Variants in ARHGEF28 observed in about 807,000 individuals in gnomAD.
ARHGEF28 encodes the protein 190 kDa guanine nucleotide exchange factor.
In ARHGEF28, 152 loss-of-function variants were observed where a neutral mutation model predicts 206.6. That is an observed-to-expected ratio of 0.74 (90% CI 0.64 to 0.84). The LOEUF is 0.84. Ranked by LOEUF, ARHGEF28 falls within the 40% of genes least tolerant of loss-of-function variation. The pLI, the probability that ARHGEF28 is intolerant of heterozygous loss-of-function variation, is 0.00. For synonymous variants in ARHGEF28, 763 were observed against 776.4 expected, an observed-to-expected ratio of 0.98 and a Z score of 0.29; for missense variants, 2,028 against 2,073.2, an observed-to-expected ratio of 0.98 and a Z score of 0.42.
intron 4 of ARHGEF28, among the ~76,000 whole-genome samples, chr5:73,756,864 T>C (rs1752340994): frequency 6.6e-6 from 1 of 152,230 alleles, no homozygotes; most frequent in African/African-American, 2.4e-5. Flanking sequence ...ATTTACTGAA[T>C]CAAGTAGTTG....
At chr5:73,766,159 A>AC (rs1554061096) in intron 4 of ARHGEF28, among the ~76,000 whole-genome samples, 51 of 150,630 alleles carry the variant, frequency 3.4e-4, no homozygotes, top group Non-Finnish European at 5.8e-4. Context: ...ATCTCAAAAA[A>AC]AAAAAAACAA....
At chr5:73,815,346 T>A (rs10068421) in intron 9 of ARHGEF28, among the ~76,000 whole-genome samples, 54,379 of 151,764 alleles carry the variant, frequency 0.36, 10,854 homozygotes, top group East Asian at 0.49. Flanking sequence ...TCAGCTTTTT[T>A]AAAAAAAATA....
intron 7 of ARHGEF28, among the ~76,000 whole-genome samples, chr5:73,785,142 A>G (rs1041765159): frequency 6.6e-6 from 1 of 152,234 alleles, no homozygotes; most frequent in Admixed American, 6.5e-5. Context: ...ACGGCAGGTA[A>G]TCAAAACCAT....
At chr5:73,722,712 A>G (rs904718628) in intron 2 of ARHGEF28, among the ~76,000 whole-genome samples, 3 of 152,212 alleles carry the variant, frequency 2.0e-5, no homozygotes, top group Non-Finnish European at 4.4e-5. Context: ...AGGCAGATAG[A>G]TATCTATTTT....
intron 35 of ARHGEF28, among the ~76,000 whole-genome samples, chr5:73,929,335 A>G (rs962169300): frequency 6.6e-6 from 1 of 152,198 alleles, no homozygotes; most frequent in Admixed American, 6.5e-5. Flanking sequence ...ATCTATAAGT[A>G]TTTATTCATC....
At chr5:73,867,025 C>A (rs1234261001) in intron 18 of ARHGEF28, among the ~76,000 whole-genome samples, 1 of 152,150 alleles carries the variant, frequency 6.6e-6, no homozygotes, top group African/African-American at 2.4e-5. Context: ...CTTGCCTTGA[C>A]CCCAAAAGTC....
Position 73,763,092 on chromosome 5 carries a change from G to T in ARHGEF28, c.475+9890G>T, listed in dbSNP as rs144391782. Among the ~76,000 whole-genome samples, 10 of 152,294 alleles carry T rather than the reference G, an allele frequency of 6.6e-5. No homozygotes were observed. The East Asian group carries it at 1.9e-3, about 29-fold the overall frequency. On this transcript the variant is annotated intron_variant, in intron 4 of 35. Transcript: ENST00000513042. Reference sequence around the variant, plus strand: ...TGAAAGAAGAAATGTTGGTGTGGTGGTTCATTTCTTTTTTTCATTCATGGA... The same window carrying T: ...TGAAAGAAGAAATGTTGGTGTGGTGTTTCATTTCTTTTTTTCATTCATGGA...
chr5:73,788,591 T>C (rs1003098478), intron 7 of ARHGEF28, among the ~76,000 whole-genome samples: 4 of 152,106 alleles, frequency 2.6e-5, no homozygotes, highest in African/African-American at 9.7e-5. Context: ...ATAAAATACA[T>C]TTACCATTTA....
chr5:73,807,417 A>G (rs970467440), intron 9 of ARHGEF28, among the ~76,000 whole-genome samples: 15 of 152,224 alleles, frequency 9.9e-5, no homozygotes, highest in African/African-American at 3.4e-4. Flanking sequence ...ATTTTTCTTA[A>G]GATATTCATC....
At position 73,894,470 on chromosome 5, in the gene ARHGEF28, C is replaced by G; in HGVS notation, c.3736C>G (p.Leu1246Val). Residue 1246 changes from leucine (L) to valine (V), a missense_variant, in exon 29 of 36, where the codon CTG (leucine) becomes GTG (valine). Transcript: ENST00000513042. ...GCATATCTATGCTGAACTTGGAGAA[C>G]TGAGCGGATTTGAGGACGTCCATCT... is the stretch of plus-strand genomic sequence containing the variant. The part of the protein sequence containing the change: ...KLHIYAELGE[L>V]SGFEDVHLEP... 1 of 1,613,950 alleles carries G rather than the reference C, an allele frequency of 6.2e-7. No homozygotes were observed. The highest frequency in any genetic ancestry group is 1.3e-5 in the African/African-American group (1 of 75,058).
At position 73,704,195 on chromosome 5, in the gene ARHGEF28, T is replaced by A. The variant is rs550018157; in HGVS notation, c.33+19311T>A. ...ATGTTACTATGTTGTCCTCATGATG[T>A]TAACAGCCCTTTGGGAATCTACTCA... On this transcript the variant is annotated intron_variant, in intron 2 of 35. Transcript: ENST00000513042. Among the ~76,000 whole-genome samples the A allele has an allele frequency of 2.0e-5, 3 of 152,258 alleles. No homozygotes were observed. In the East Asian group the frequency reaches 5.8e-4, roughly 29 times the overall value.
At position 73,935,941 on chromosome 5, in the gene ARHGEF28, T is replaced by A. The variant is rs895892708; in HGVS notation, c.4949-4903T>A. 1.1e-4 allele frequency among the ~76,000 whole-genome samples: 17 copies of A among 152,208 alleles called. 1 individual carries two copies. The highest frequency in any genetic ancestry group is 1.1e-3 in the Admixed American group (17 of 15,276). Reference sequence around the variant, plus strand: ...AGTGCTCTCAATGGCAGACTAAACATGCTTTGTGCAGCCCTGGGCTTCTGG... The same window carrying A: ...AGTGCTCTCAATGGCAGACTAAACAAGCTTTGTGCAGCCCTGGGCTTCTGG... On this transcript the variant is annotated intron_variant, in intron 35 of 35. Transcript: ENST00000513042.
At chr5:73,747,579 AT>A (rs1243666516) in intron 2 of ARHGEF28, among the ~76,000 whole-genome samples, 4 of 151,810 alleles carry the variant, frequency 2.6e-5, no homozygotes, top group East Asian at 3.9e-4. Flanking sequence ...CTGCCCATCC[AT>A]TTCTGTCTAA....
At chr5:73,855,630 G>A (rs549084837) in intron 14 of ARHGEF28, among the ~76,000 whole-genome samples, 1 of 152,078 alleles carries the variant, frequency 6.6e-6, no homozygotes, top group African/African-American at 2.4e-5. Context: ...TACTCAGGAG[G>A]CTGAGGCAGG....
At position 73,691,139 on chromosome 5, in the gene ARHGEF28, A is replaced by T. The variant is rs1328244278; in HGVS notation, c.33+6255A>T. 5.9e-5 allele frequency among the ~76,000 whole-genome samples: 9 copies of T among 152,132 alleles called. No homozygotes were observed. The East Asian group carries it at 1.7e-3, about 29-fold the overall frequency. On this transcript the variant is annotated intron_variant, in intron 2 of 35. Coordinates refer to ENST00000513042, the MANE Select transcript of ARHGEF28 (RefSeq NM_001177693.2). ...GAGATGGGGTCTTGCCATGTTGCCC[A>T]GGCTGGTCTCAAACTTCTGGGCTCA...
chr5:73,879,754 G>A (rs1185681761), intron 22 of ARHGEF28, among the ~76,000 whole-genome samples: 2 of 152,288 alleles, frequency 1.3e-5, no homozygotes, highest in African/African-American at 2.4e-5. Context: ...TTTGTGAACC[G>A]CGAATGCTGC....
intron 7 of ARHGEF28, among the ~76,000 whole-genome samples, chr5:73,787,640 G>C (rs1015985103): frequency 2.0e-4 from 30 of 152,210 alleles, no homozygotes; most frequent in African/African-American, 6.7e-4. Flanking sequence ...TTGGTTTTCT[G>C]TTCCTGTGTT....
intron 1 of ARHGEF28, among the ~76,000 whole-genome samples, chr5:73,672,543 G>T (rs985557422): frequency 2.6e-5 from 4 of 152,252 alleles, no homozygotes; most frequent in African/African-American, 7.2e-5. Flanking sequence ...TCCCTAGATG[G>T]CCTGCATAGT....
chr5:73,931,550 T>C (rs115901271), intron 35 of ARHGEF28, among the ~76,000 whole-genome samples: 5,159 of 152,286 alleles, frequency 0.034, 283 homozygotes, highest in African/African-American at 0.12. Context: ...ATTTTTGTTC[T>C]ATTTTCTGGG....
Sources: gnomAD v4.1 joint callset for allele counts (sites outside exome capture counted in the v4.1 genomes callset) on GRCh38, gnomAD v4.1.1 for gene constraint, MANE v1.5 for transcripts, NCBI Gene and HGNC (gene_info 2026-07-23, HGNC 2026-07-21) for gene names.